The following PRTFDC1 variants were observed in gnomAD, a reference collection of about 807,000 sequenced individuals.
PRTFDC1 encodes the protein phosphoribosyl transferase domain containing 1.
PRTFDC1 carries 38 observed loss-of-function variants against 34.6 expected under a neutral mutation model. The observed-to-expected ratio is 1.10, with a 90% CI of 0.85 to 1.44. PRTFDC1 has a LOEUF of 1.44. Ranked by LOEUF, PRTFDC1 falls within the 40% of genes most tolerant of loss-of-function variation. The pLI is 0.00. For synonymous variants in PRTFDC1, 93 were observed against 98.1 expected (o/e 0.95, Z 0.31); for missense variants, 270 against 283.0 (o/e 0.95, Z 0.33).
At chr10:24,903,308 A>G (rs563656057) in intron 3 of PRTFDC1, among the ~76,000 whole-genome samples, 43 of 152,348 alleles carry the variant, frequency 2.8e-4, no homozygotes, top group African/African-American at 1.0e-3. Flanking sequence ...TTTATTAGGC[A>G]TCCCCTATAA....
chr10:24,859,732 T>A (rs1194075084), intron 4 of PRTFDC1, among the ~76,000 whole-genome samples: 1 of 152,226 alleles, frequency 6.6e-6, no homozygotes, highest in East Asian at 1.9e-4. Context: ...TTGTACTGCA[T>A]TTTAATTTCT....
At chr10:24,905,159 A>C (rs1848511375) in intron 3 of PRTFDC1, among the ~76,000 whole-genome samples, 1 of 151,906 alleles carries the variant, frequency 6.6e-6, no homozygotes, top group Admixed American at 6.6e-5. Context: ...CAAAAAAAAA[A>C]AAAATTAGCC....
chr10:24,851,918 C>A (rs1411723080), intron 7 of PRTFDC1, among the ~76,000 whole-genome samples: 1 of 151,870 alleles, frequency 6.6e-6, no homozygotes, highest in East Asian at 1.9e-4. Flanking sequence ...GAAAGCAATT[C>A]TCCCGCTGTA....
chr10:24,898,463 CAA>C (rs36004025), intron 3 of PRTFDC1, among the ~76,000 whole-genome samples: 16 of 98,072 alleles, frequency 1.6e-4, no homozygotes, highest in Non-Finnish European at 1.4e-4. Context: ...GACCCTGTCT[CAA>C]AAAAAAAAAA....
intron 3 of PRTFDC1, among the ~76,000 whole-genome samples, chr10:24,910,199 T>A (rs924375528): frequency 2.0e-5 from 3 of 152,162 alleles, no homozygotes; most frequent in South Asian, 2.1e-4. Flanking sequence ...ACCTGAACAA[T>A]GGTGGAAGCT....
chr10:24,878,994 T>C (rs1485133197), intron 3 of PRTFDC1, among the ~76,000 whole-genome samples: 1 of 152,206 alleles, frequency 6.6e-6, no homozygotes, highest in African/African-American at 2.4e-5. Context: ...GCTGATACTC[T>C]ATCAAATGGA....
At chr10:24,900,473 A>G (rs1848431355) in intron 3 of PRTFDC1, among the ~76,000 whole-genome samples, 1 of 152,232 alleles carries the variant, frequency 6.6e-6, no homozygotes, top group South Asian at 2.1e-4. Context: ...GCAGCTCCAT[A>G]AAGTTATCCT....
intron 3 of PRTFDC1, among the ~76,000 whole-genome samples, chr10:24,914,332 T>G (rs942188245): frequency 2.6e-5 from 4 of 152,212 alleles, no homozygotes; most frequent in African/African-American, 9.7e-5. Flanking sequence ...CATAGTGTAC[T>G]CTCAAAAAAT....
At chr10:24,862,840 G>A (rs1847705299) in intron 4 of PRTFDC1, among the ~76,000 whole-genome samples, 1 of 152,088 alleles carries the variant, frequency 6.6e-6, no homozygotes, top group Non-Finnish European at 1.5e-5. Flanking sequence ...TTGTGGTTAT[G>A]GTGATCTGGG....
chr10:24,948,614 C>T (rs1048985808), intron 1 of PRTFDC1, among the ~76,000 whole-genome samples: 5 of 152,184 alleles, frequency 3.3e-5, no homozygotes, highest in East Asian at 1.9e-4. Flanking sequence ...CTTTACTTCT[C>T]GTTTTATATT....
At chr10:24,893,506 C>T (rs559806579) in intron 3 of PRTFDC1, among the ~76,000 whole-genome samples, 67 of 152,216 alleles carry the variant, frequency 4.4e-4, no homozygotes, top group Non-Finnish European at 8.7e-4. Flanking sequence ...AGACAGGTCT[C>T]AATAGGTTGC....
chr10:24,883,810 T>C (rs1848119175), intron 3 of PRTFDC1, among the ~76,000 whole-genome samples: 2 of 144,056 alleles, frequency 1.4e-5, no homozygotes, highest in Non-Finnish European at 3.0e-5. Context: ...GATCATTTCT[T>C]AAGAGACCTT....
chr10:24,867,009 GAAGA>G (rs1410669226), intron 4 of PRTFDC1, among the ~76,000 whole-genome samples: 5 of 150,044 alleles, frequency 3.3e-5, no homozygotes, highest in Admixed American at 1.3e-4. Context: ...GAAAGAAATG[GAAGA>G]AAGAAAGAAA....
intron 3 of PRTFDC1, among the ~76,000 whole-genome samples, chr10:24,917,259 G>T (rs1045161093): frequency 1.3e-5 from 2 of 152,182 alleles, no homozygotes; most frequent in African/African-American, 4.8e-5. Flanking sequence ...TTTTTTAACT[G>T]CAAGGGAGGC....
intron 3 of PRTFDC1, among the ~76,000 whole-genome samples, chr10:24,885,800 A>G (rs1309525038): frequency 6.6e-6 from 1 of 152,262 alleles, no homozygotes; most frequent in Non-Finnish European, 1.5e-5. Flanking sequence ...TATGCAACGT[A>G]TTACTATTCA....
chr10:24,897,862 G>A (rs924578312), intron 3 of PRTFDC1, among the ~76,000 whole-genome samples: 1 of 152,278 alleles, frequency 6.6e-6, no homozygotes. Context: ...AGTGCATGTG[G>A]TCTTAGCAGC....
Position 24,944,337 on chromosome 10 carries a change from C to T in PRTFDC1, c.49-1901G>A, listed in dbSNP as rs188448390. Among the ~76,000 whole-genome samples, 5 of 152,290 alleles carry T rather than the reference C, an allele frequency of 3.3e-5. No homozygotes were observed. In the East Asian group the frequency reaches 9.6e-4, roughly 29 times the overall value. On this transcript the variant is annotated intron_variant, in intron 1 of 8. Transcript: ENST00000320152. ...CAACTCCCTCGAAATTTATCCAGGA[C>T]TACCTCTCGGCACCTCCACTGCTAT... is the stretch of plus-strand genomic sequence containing the variant.
At chr10:24,918,135 A>G (rs762427486) in intron 3 of PRTFDC1, among the ~76,000 whole-genome samples, 1 of 152,142 alleles carries the variant, frequency 6.6e-6, no homozygotes, top group Non-Finnish European at 1.5e-5. Context: ...CAATGACATC[A>G]TCTCATTGCC....
chr10:24,924,548 GA>G, intron 3 of PRTFDC1, among the ~76,000 whole-genome samples: 1 of 152,226 alleles, frequency 6.6e-6, no homozygotes, highest in African/African-American at 2.4e-5. Flanking sequence ...TACAGAATGG[GA>G]GAAAAATTTT....
Sources: gnomAD v4.1 joint callset for allele counts (sites outside exome capture counted in the v4.1 genomes callset) on GRCh38, gnomAD v4.1.1 for gene constraint, MANE v1.5 for transcripts, NCBI Gene and HGNC (gene_info 2026-07-23, HGNC 2026-07-21) for gene names.